Variants in SLC1A6 observed in about 807,000 individuals in gnomAD.
SLC1A6 encodes the protein solute carrier family 1 member 6.
Under a neutral mutation model 42.1 loss-of-function variants are expected in SLC1A6, and 15 were observed. The observed-to-expected ratio is 0.36, with a 90% CI of 0.24 to 0.55. SLC1A6 has a LOEUF of 0.55. Ranked by LOEUF, SLC1A6 falls within the 20% of genes least tolerant of loss-of-function variation. The probability of loss-of-function intolerance (pLI) is 0.88; values close to 1 mark genes in which losing one functional copy is unlikely to be tolerated. For synonymous variants in SLC1A6, 317 were observed against 319.7 expected, an observed-to-expected ratio of 0.99 and a Z score of 0.09; for missense variants, 542 against 772.5, an observed-to-expected ratio of 0.70 and a Z score of 3.54.
chr19:14,970,598 C>T (rs2045628312), intron 3 of SLC1A6, among the ~76,000 whole-genome samples: 1 of 151,948 alleles, frequency 6.6e-6, no homozygotes, highest in Admixed American at 6.6e-5. Context: ...GTAGTTCCAG[C>T]TACTCAGGAG....
intron 1 of SLC1A6, among the ~76,000 whole-genome samples, chr19:14,987,643 A>G (rs1280923314): frequency 1.3e-5 from 2 of 152,124 alleles, no homozygotes; most frequent in Admixed American, 6.5e-5. Flanking sequence ...GGATGACTAC[A>G]GGAAGAGCAA....
chr19:14,970,648 T>C (rs1364944868), intron 3 of SLC1A6, among the ~76,000 whole-genome samples: 1 of 151,892 alleles, frequency 6.6e-6, no homozygotes, highest in African/African-American at 2.4e-5. Context: ...GAGGCGGTGC[T>C]TGCAGTGAGC....
At chr19:14,959,641 A>AT (rs1220117961) in intron 6 of SLC1A6, among the ~76,000 whole-genome samples, 1 of 152,174 alleles carries the variant, frequency 6.6e-6, no homozygotes, top group Admixed American at 6.5e-5. Context: ...AGCCTTGTTA[A>AT]TATCTTCCAC....
At chr19:14,966,454 C>T (rs2045574987) in intron 4 of SLC1A6, among the ~76,000 whole-genome samples, 1 of 152,060 alleles carries the variant, frequency 6.6e-6, no homozygotes, top group African/African-American at 2.4e-5. Context: ...CACTGCACTC[C>T]AGCCTGGGCA....
At chr19:14,954,414 G>T in intron 7 of SLC1A6, 85 bp from the exon 8 acceptor site, 2 of 1,239,606 alleles carry the variant, frequency 1.6e-6, no homozygotes, top group Admixed American at 1.8e-5. Flanking sequence ...GTGGGGCAGG[G>T]CAGAGAATGG....
chr19:15,010,134 C>T (rs1568304772), intron 1 of SLC1A6, among the ~76,000 whole-genome samples: 2 of 148,126 alleles, frequency 1.4e-5, no homozygotes, highest in Non-Finnish European at 3.0e-5. Flanking sequence ...TGCAGTGAGC[C>T]CAGCTCGCAC....
At chr19:14,990,194 G>A (rs1402389755) in intron 1 of SLC1A6, among the ~76,000 whole-genome samples, 1 of 152,030 alleles carries the variant, frequency 6.6e-6, no homozygotes, top group East Asian at 1.9e-4. Context: ...CCGAGAAATG[G>A]ATTTTTAAAT....
In SLC1A6 at chr19:14,972,878, C is replaced by G. The variant is rs760756738; in HGVS notation, c.33G>C (p.Arg11=). Residue 11 remains arginine (R), a synonymous_variant, in exon 2 of 10, where the codon CGG becomes CGC. Coordinates refer to ENST00000594383, the MANE Select transcript of SLC1A6 (RefSeq NM_005071.3). MSSHGNSLFL[R]ESGQRLGRVG... ...CCCGGCCCAGCCGCTGGCCGCTCTC[C>G]CGCAGGAACAGGCTGTTGCCATGGC... 7.5e-6 allele frequency: 12 copies of G among 1,601,040 alleles called. No individual in the cohort carries two copies. Among genetic ancestry groups the G allele is most frequent in the Admixed American group, 6.9e-5 (4 of 57,782 alleles).
chr19:14,987,202 C>T (rs1289414171), intron 1 of SLC1A6, among the ~76,000 whole-genome samples: 1 of 152,148 alleles, frequency 6.6e-6, no homozygotes, highest in Non-Finnish European at 1.5e-5. Context: ...GATGCGGTGG[C>T]TCACACCTGT....
Position 15,003,475 on chromosome 19 carries a change from C to T in SLC1A6, c.6+7010G>A, listed in dbSNP as rs556975598. 4.2e-3 allele frequency among the ~76,000 whole-genome samples: 636 copies of T among 152,226 alleles called. 21 individuals are homozygous for T. Among genetic ancestry groups the T allele is most frequent in the Middle Eastern group, 0.017 (5 of 294 alleles). On this transcript the variant is annotated intron_variant, in intron 1 of 8. Coordinates refer to the SLC1A6 transcript ENST00000430939. Reference sequence around the variant, plus strand: ...GCGACCTCATTTCTCAAAGACAAAACAGATTCTAGGTCATATCCCCCTGGA... The same window carrying T: ...GCGACCTCATTTCTCAAAGACAAAATAGATTCTAGGTCATATCCCCCTGGA...
At chr19:14,966,660 T>G (rs2145190826) in intron 4 of SLC1A6, among the ~76,000 whole-genome samples, 1 of 151,944 alleles carries the variant, frequency 6.6e-6, no homozygotes, top group South Asian at 2.1e-4. Context: ...ATAAAGAAAA[T>G]ATGGCACATA....
chr19:14,968,640 C>G lies in SLC1A6; in HGVS notation c.344-133G>C, dbSNP rs2045602043. 6 of 712,796 alleles carry G rather than the reference C, an allele frequency of 8.4e-6. No homozygotes were observed. The South Asian group carries it at 1.1e-4, about 13-fold the overall frequency. The allele number at this position is 712,796 out of a possible 1,614,324, so 44.2% of individuals were successfully genotyped here. A position where few individuals can be genotyped will look rare whatever the true frequency, so the allele number is the denominator to read the frequency against. ...AAGCATCCCTTTTCCTATAGCCCAC[C>G]CCAAAACCCACCCATTACCCATTCA... On this transcript the variant is annotated intron_variant, in intron 3 of 9. Coordinates refer to ENST00000594383, the MANE Select transcript of SLC1A6 (RefSeq NM_005071.3).
At chr19:14,978,664 T>A (rs1287717703) in intron 1 of SLC1A6, among the ~76,000 whole-genome samples, 1 of 149,728 alleles carries the variant, frequency 6.7e-6, no homozygotes, top group African/African-American at 2.5e-5. Context: ...GTTGTACAAT[T>A]CTGCACACAG....
intron 1 of SLC1A6, among the ~76,000 whole-genome samples, chr19:15,005,991 AG>A (rs1180738293): frequency 6.6e-6 from 1 of 152,254 alleles, no homozygotes; most frequent in Non-Finnish European, 1.5e-5. Flanking sequence ...TCATGAACAA[AG>A]CAAAGGTAGA....
intron 5 of SLC1A6, among the ~76,000 whole-genome samples, chr19:14,963,347 G>A (rs2045536681): frequency 6.6e-6 from 1 of 152,174 alleles, no homozygotes; most frequent in Non-Finnish European, 1.5e-5. Context: ...CAAAATTTCA[G>A]CTAGACAAGA....
chr19:14,972,643 A>G (rs2045654768), intron 2 of SLC1A6, 63 bp downstream of exon 2: 2 of 1,413,472 alleles, frequency 1.4e-6, no homozygotes, highest in Non-Finnish European at 2.0e-6. Flanking sequence ...TGTAGAGGCC[A>G]GGAATTTCCC....
At chr19:14,996,189 A>G (rs1487034469) in intron 1 of SLC1A6, among the ~76,000 whole-genome samples, 2 of 152,220 alleles carry the variant, frequency 1.3e-5, no homozygotes, top group African/African-American at 4.8e-5. Context: ...GGGCTAAGTG[A>G]AAGAAGCCAA....
chr19:14,954,039 C>G (rs941734843), intron 8 of SLC1A6, 96 bp downstream of exon 8: 2 of 1,060,892 alleles, frequency 1.9e-6, no homozygotes, highest in African/African-American at 3.2e-5. Flanking sequence ...CCTCTGAGCT[C>G]CAGCTGAGGC....
At chr19:14,966,674 G>A (rs373121716) in intron 4 of SLC1A6, among the ~76,000 whole-genome samples, 2 of 152,096 alleles carry the variant, frequency 1.3e-5, no homozygotes, top group East Asian at 1.9e-4. Flanking sequence ...GCACATATAT[G>A]CCATGCAAAT....
Sources: allele counts gnomAD v4.1 joint callset (sites outside exome capture counted in the v4.1 genomes callset), GRCh38; gene constraint gnomAD v4.1.1; transcripts MANE v1.5; gene names NCBI Gene and HGNC (gene_info 2026-07-23, HGNC 2026-07-21).